RAD23B: variants seen among roughly 807,000 people sequenced by gnomAD.
RAD23B encodes RAD23 nucleotide excision repair protein B.
In RAD23B, 5 loss-of-function variants were observed where a neutral mutation model predicts 49.1. The ratio of observed to expected loss-of-function variants is 0.10; its 90% CI spans 0.05 to 0.21. The LOEUF (loss-of-function observed/expected upper bound fraction) is 0.21. Among genes scored for constraint, RAD23B ranks in the 10% least tolerant of loss-of-function variants. RAD23B has a pLI of 1.00. For missense variants in RAD23B, 356 were observed against 486.7 expected, an observed-to-expected ratio of 0.73 and a Z score of 2.53; for synonymous variants, 184 against 165.4, an observed-to-expected ratio of 1.11 and a Z score of -0.86.
intron 5 of RAD23B, among the ~76,000 whole-genome samples, chr9:107,317,102 G>A (rs903283407): frequency 1.4e-3 from 13 of 8,976 alleles, no homozygotes; most frequent in African/African-American, 5.9e-3. Context: ...GTGCGTGTGT[G>A]TGTGTGTGTG....
chr9:107,313,024 C>G (rs1328288005), intron 5 of RAD23B, among the ~76,000 whole-genome samples: 1 of 152,110 alleles, frequency 6.6e-6, no homozygotes, highest in African/African-American at 2.4e-5. Context: ...TTACCCAAGT[C>G]TCTATGTTGA....
chr9:107,286,356 A>G (rs1008814184), intron 1 of RAD23B, among the ~76,000 whole-genome samples: 1 of 152,220 alleles, frequency 6.6e-6, no homozygotes, highest in Non-Finnish European at 1.5e-5. Context: ...GACTTAGTCA[A>G]AGCTCATTGG....
chr9:107,295,548 C>T (rs957601201), intron 1 of RAD23B, among the ~76,000 whole-genome samples: 3 of 152,134 alleles, frequency 2.0e-5, no homozygotes, highest in Non-Finnish European at 2.9e-5. Context: ...CCTCTGTCTT[C>T]TGTTTTTAAT....
At chr9:107,310,071 C>T (rs1437132740) in intron 4 of RAD23B, among the ~76,000 whole-genome samples, 1 of 151,744 alleles carries the variant, frequency 6.6e-6, no homozygotes, top group African/African-American at 2.4e-5. Flanking sequence ...GATTGGTCAG[C>T]GAAATCAACA....
intron 4 of RAD23B, among the ~76,000 whole-genome samples, chr9:107,308,324 T>G (rs1435714713): frequency 6.6e-6 from 1 of 151,978 alleles, no homozygotes; most frequent in African/African-American, 2.4e-5. Context: ...GTTCAAGCGA[T>G]TCTCCTGTCT....
At chr9:107,324,042 A>C (rs200164618) in intron 8 of RAD23B, 25 bp downstream of exon 8, 2 of 1,609,712 alleles carry the variant, frequency 1.2e-6, no homozygotes, top group Non-Finnish European at 1.7e-6. Context: ...TCAGTTTCAC[A>C]AGTGATTTAG....
At chr9:107,324,057 T>G (rs1357678205) in intron 8 of RAD23B, 40 bp downstream of exon 8, 3 of 1,597,934 alleles carry the variant, frequency 1.9e-6, no homozygotes, top group Non-Finnish European at 2.6e-6. Flanking sequence ...ATTTAGAGTG[T>G]GTCACAATTT....
chr9:107,311,668 A>T lies in RAD23B; in HGVS notation c.498-14A>T, dbSNP rs1826890129. ...TACTTTTTAAAATGTGATTTTTCTA[A>T]AATCCTTTTGTAGTACATCGGGTGA... is the stretch of plus-strand genomic sequence containing the variant. On this transcript the variant is annotated splice_polypyrimidine_tract_variant and intron_variant, in intron 4 of 9. Coordinates refer to ENST00000358015, the MANE Select transcript of RAD23B (RefSeq NM_002874.5). 2 of 1,565,894 alleles carry T rather than the reference A, an allele frequency of 1.3e-6. No homozygotes were observed. Among genetic ancestry groups the T allele is most frequent in the African/African-American group, 2.8e-5 (2 of 72,302 alleles).
chr9:107,289,784 G>A (rs1833346385), intron 1 of RAD23B, among the ~76,000 whole-genome samples: 1 of 152,142 alleles, frequency 6.6e-6, no homozygotes. Flanking sequence ...TGGTATATGG[G>A]TTTTGAAATA....
intron 3 of RAD23B, among the ~76,000 whole-genome samples, chr9:107,302,707 G>A (rs1370955043): frequency 1.3e-5 from 2 of 150,634 alleles, no homozygotes; most frequent in African/African-American, 4.9e-5. Context: ...CCAGGCTGGA[G>A]CGCAGTGACG....
intron 9 of RAD23B, among the ~76,000 whole-genome samples, chr9:107,325,664 A>G (rs1564253418): frequency 6.6e-6 from 1 of 152,202 alleles, no homozygotes; most frequent in Admixed American, 6.5e-5. Context: ...AGGATTTTCC[A>G]TATACAAGGT....
intron 3 of RAD23B, among the ~76,000 whole-genome samples, chr9:107,306,048 TA>T (rs1826758558): frequency 4.2e-5 from 1 of 23,796 alleles, no homozygotes; most frequent in African/African-American, 2.0e-4. Flanking sequence ...ATACGGTTTA[TA>T]TCTATATATA....
At chr9:107,314,272 T>G (rs1319024045) in intron 5 of RAD23B, among the ~76,000 whole-genome samples, 1 of 152,178 alleles carries the variant, frequency 6.6e-6, no homozygotes, top group Non-Finnish European at 1.5e-5. Flanking sequence ...GGTGGTGAAG[T>G]TTGGGCTTTT....
chr9:107,295,934 A>T (rs746483308), intron 1 of RAD23B, among the ~76,000 whole-genome samples: 2 of 152,210 alleles, frequency 1.3e-5, no homozygotes, highest in Non-Finnish European at 2.9e-5. Flanking sequence ...TGATAGGAGC[A>T]ATGATAGTGA....
At chr9:107,329,098 C>T (rs952764876) in intron 9 of RAD23B, among the ~76,000 whole-genome samples, 1 of 152,064 alleles carries the variant, frequency 6.6e-6, no homozygotes, top group African/African-American at 2.4e-5. Context: ...ACATAATTTG[C>T]TTTTAATTTA....
intron 1 of RAD23B, among the ~76,000 whole-genome samples, chr9:107,296,166 G>A (rs556057108): frequency 2.6e-5 from 4 of 152,198 alleles, no homozygotes; most frequent in Non-Finnish European, 5.9e-5. Context: ...AAGGAACAAT[G>A]CCAGAATTTT....
intron 1 of RAD23B, chr9:107,284,000 G>C: frequency 9.1e-7 from 1 of 1,097,918 alleles, no homozygotes; most frequent in Non-Finnish European, 1.1e-6. Context: ...AGGGGGATGG[G>C]AAGGTCCAGG....
At chr9:107,316,363 T>G (rs1471165410) in intron 5 of RAD23B, among the ~76,000 whole-genome samples, 2 of 152,174 alleles carry the variant, frequency 1.3e-5, no homozygotes, top group African/African-American at 4.8e-5. Context: ...TTTAAAGGAG[T>G]TGAAATTAAA....
chr9:107,329,675 T>C lies in RAD23B; in HGVS notation c.*19T>C, dbSNP rs764249052. 6.7e-7 allele frequency: 1 copy of C among 1,495,104 alleles called. No individual in the cohort carries two copies. Among genetic ancestry groups the C allele is most frequent in the Non-Finnish European group, 9.3e-7 (1 of 1,074,010 alleles). The allele number at this position is 1,495,104 out of a possible 1,614,324, so 92.6% of individuals were successfully genotyped here. A position where few individuals can be genotyped will look rare whatever the true frequency, so the allele number is the denominator to read the frequency against. On this transcript the variant is annotated 3_prime_UTR_variant, in exon 10 of 10. Coordinates refer to ENST00000358015, the MANE Select transcript of RAD23B (RefSeq NM_002874.5). ...AGATTGAAAGGGACTTTTTTATATCTCACACTTCACACCAGTGCATTACAC... is the reference window on the plus strand; with the variant it reads ...AGATTGAAAGGGACTTTTTTATATCCCACACTTCACACCAGTGCATTACAC...
Sources: gnomAD v4.1 joint callset for allele counts (sites outside exome capture counted in the v4.1 genomes callset) on GRCh38, gnomAD v4.1.1 for gene constraint, MANE v1.5 for transcripts, NCBI Gene and HGNC (gene_info 2026-07-23, HGNC 2026-07-21) for gene names.